The following SYT4 variants were observed in gnomAD, a reference collection of about 807,000 sequenced individuals.
SYT4 encodes synaptotagmin-4.
A neutral mutation model predicts 32.9 loss-of-function variants in SYT4; 7 were observed. The ratio of observed to expected loss-of-function variants is 0.21; its 90% CI spans 0.12 to 0.40. The LOEUF is 0.40. SYT4 is among the 10% of genes least tolerant of loss of function. The pLI is 1.00. For synonymous variants in SYT4, 205 were observed against 186.2 expected, an observed-to-expected ratio of 1.10 and a Z score of -0.82; for missense variants, 480 against 488.0, an observed-to-expected ratio of 0.98 and a Z score of 0.16.
rs781556826 is a variant in SYT4 at position 43,273,915 on chromosome 18, C to T, written c.514G>A (p.Val172Ile). The change falls in exon 2 of 4, where the codon GTC becomes ATC. Residue 172 changes from valine (V) to isoleucine (I), a missense_variant. Transcript: ENST00000255224. ...EYNFERKAFV[V>I]NIKEARGLPA... is the part of the protein sequence containing the mutation. ...AAGCCACGGGCTTCCTTGATATTGA[C>T]CACAAATGCTTTTCTCTCGAAGTTG... 7.4e-6 allele frequency: 12 copies of T among 1,613,898 alleles called. No individual in the cohort carries two copies. Among genetic ancestry groups the T allele is most frequent in the Non-Finnish European group, 1.0e-5 (12 of 1,179,970 alleles).
In SYT4 at chr18:43,270,521, G is replaced by T. The variant is rs1423346844; in HGVS notation, c.1098C>A (p.Gly366=). The change falls in exon 4 of 4, where the codon GGC becomes GGA. Residue 366 remains glycine, a synonymous_variant. Transcript: ENST00000255224. ...AAAATTCAACACTTATATCTTCAAG[G>T]CCCTCACAAGGAATATCAAAGACAA... ...ELFVFDIPCE[G]LEDISVEFLV... 1 of 1,613,820 alleles carries T rather than the reference G, an allele frequency of 6.2e-7. No homozygotes were observed. Among genetic ancestry groups the T allele is most frequent in the East Asian group, 2.2e-5 (1 of 44,856 alleles).
chr18:43,270,211 T>C lies in SYT4; in HGVS notation c.*130A>G, dbSNP rs138651432. Reference sequence around the variant, plus strand: ...GTTACTTTCTGGTCTACTAATTCAATCCATTTCTAGCAACAACAACAACAA... The same window carrying C: ...GTTACTTTCTGGTCTACTAATTCAACCCATTTCTAGCAACAACAACAACAA... On this transcript the variant is annotated 3_prime_UTR_variant, in exon 4 of 4. Coordinates refer to ENST00000255224, the MANE Select transcript of SYT4 (RefSeq NM_020783.4). 2,875 of 945,526 alleles carry C rather than the reference T, an allele frequency of 3.0e-3. 133 individuals are homozygous for C. The Admixed American group carries it at 0.064, about 21-fold the overall frequency. The allele number at this position is 945,526 out of a possible 1,614,324, so 58.6% of individuals were successfully genotyped here.
In SYT4 at chr18:43,274,032, A is replaced by C. The variant is rs761951128; in HGVS notation, c.397T>G (p.Ser133Ala). The change falls in exon 2 of 4, where the codon TCA becomes GCA. Residue 133 changes from serine to alanine, a missense_variant. By Grantham distance (99) the Ser-to-Ala change is moderately conservative. Transcript: ENST00000255224. Reference protein sequence around the residue: ...PKLFLEGEKESVSPESLKSST... With the variant: ...PKLFLEGEKEAVSPESLKSST... The stretch of plus-strand genomic sequence containing the variant: ...GACTTTAAACTCTCAGGGGAAACTG[A>C]CTCTTTTTCCCCTTCTAAAAAGAGC... 1.9e-6 allele frequency: 3 copies of C among 1,613,644 alleles called. No individual in the cohort carries two copies. Among genetic ancestry groups the C allele is most frequent in the Non-Finnish European group, 2.5e-6 (3 of 1,179,896 alleles).
chr18:43,271,567 C>T, intron 3 of SYT4, 145 bp downstream of exon 3: 3 of 1,073,732 alleles, frequency 2.8e-6, no homozygotes, highest in South Asian at 3.9e-5. Context: ...TTTTGTAAAG[C>T]TAGTCATAAA....
At chr18:43,276,482 T>C (rs1908796878) in intron 1 of SYT4, among the ~76,000 whole-genome samples, 1 of 152,220 alleles carries the variant, frequency 6.6e-6, no homozygotes, top group South Asian at 2.1e-4. Context: ...ACTTTTTTAC[T>C]CTATGAAGTA....
Position 43,270,416 on chromosome 18 carries a change from A to G in SYT4, c.1203T>C (p.Gly401=). 6.2e-7 allele frequency: 1 copy of G among 1,614,040 alleles called. No homozygotes were observed. The highest frequency in any genetic ancestry group is 8.5e-7 in the Non-Finnish European group (1 of 1,179,954). Residue 401 remains glycine (G), a synonymous_variant, in exon 4 of 4, where the codon GGT becomes GGC. Transcript: ENST00000255224. ...LVLGAAAEGT[G]GEHWKEICDY... ...CACAGATCTCTTTCCAGTGCTCTCC[A>G]CCAGTTCCTTCTGCTGCTGCACCCA...
Position 43,268,327 on chromosome 18 carries a change from T to A in SYT4, c.*2014A>T, listed in dbSNP as rs773783876. ...CTCAACTTTTCACACTCAAAAACAC[T>A]TTAAATTTTAAAAGCTAAAAACTAT... On this transcript the variant is annotated 3_prime_UTR_variant, in exon 4 of 4. Coordinates refer to ENST00000255224, the MANE Select transcript of SYT4 (RefSeq NM_020783.4). 6.6e-6 allele frequency: 1 copy of A among 152,428 alleles called. No homozygotes were observed. Among genetic ancestry groups the A allele is most frequent in the Non-Finnish European group, 1.5e-5 (1 of 68,026 alleles). The allele number at this position is 152,428 out of a possible 1,614,324, so 9.4% of individuals were successfully genotyped here. A position where few individuals can be genotyped will look rare whatever the true frequency, so the allele number is the denominator to read the frequency against.
chr18:43,270,303 T>G lies in SYT4; in HGVS notation c.*38A>C. On this transcript the variant is annotated 3_prime_UTR_variant, in exon 4 of 4. Coordinates refer to ENST00000255224, the MANE Select transcript of SYT4 (RefSeq NM_020783.4). ...GAAAGAAAGAAAATTTCTCCTTGCC[T>G]AGTAAAAACCTTTAAGTTCCAACTC... is the stretch of plus-strand genomic sequence containing the variant. 10 of 1,580,210 alleles carry G rather than the reference T, an allele frequency of 6.3e-6. No individual in the cohort carries two copies. The highest frequency in any genetic ancestry group is 8.6e-6 in the Non-Finnish European group (10 of 1,162,660).
chr18:43,273,336 C>G (rs1438769370), intron 2 of SYT4, among the ~76,000 whole-genome samples: 1 of 152,028 alleles, frequency 6.6e-6, no homozygotes, highest in African/African-American at 2.4e-5. Flanking sequence ...TAGGTGATAT[C>G]TAAATATCCA....
In SYT4 at chr18:43,270,321, T is replaced by C. The variant is rs746512593; in HGVS notation, c.*20A>G. 3.7e-5 allele frequency: 60 copies of C among 1,604,840 alleles called. No homozygotes were observed. The highest frequency in any genetic ancestry group is 5.0e-5 in the Non-Finnish European group (59 of 1,173,754). On this transcript the variant is annotated 3_prime_UTR_variant, in exon 4 of 4. Coordinates refer to ENST00000255224, the MANE Select transcript of SYT4 (RefSeq NM_020783.4). ...CCTTGCCTAGTAAAAACCTTTAAGT[T>C]CCAACTCACGGCTAGGATGCTAACC...
chr18:43,270,929 A>G (rs1004925783), intron 3 of SYT4, among the ~76,000 whole-genome samples: 2 of 152,094 alleles, frequency 1.3e-5, no homozygotes, highest in Non-Finnish European at 2.9e-5. Context: ...AAGAAAATAG[A>G]ATGTTCTATG....
rs1908564956 is a variant in SYT4 at position 43,269,668 on chromosome 18, T to A, written c.*673A>T. 6.5e-6 allele frequency: 1 copy of A among 152,812 alleles called. No individual in the cohort carries two copies. Among genetic ancestry groups the A allele is most frequent in the South Asian group, 2.1e-4 (1 of 4,848 alleles). The allele number at this position is 152,812 out of a possible 1,614,324, so 9.5% of individuals were successfully genotyped here. A position where few individuals can be genotyped will look rare whatever the true frequency, so the allele number is the denominator to read the frequency against. On this transcript the variant is annotated 3_prime_UTR_variant, in exon 4 of 4. Coordinates refer to ENST00000255224, the MANE Select transcript of SYT4 (RefSeq NM_020783.4). Reference sequence around the variant, plus strand: ...CAAAATTTTGACTCACATGTAACCTTAGGGGGGAGAAAAATTATATTTCAG... The same window carrying A: ...CAAAATTTTGACTCACATGTAACCTAAGGGGGGAGAAAAATTATATTTCAG...
rs1052058139 is a variant in SYT4 at position 43,277,447 on chromosome 18, C to T, written c.-166G>A. ...AGGCAAAGAGGGAGGTCCACTCGCCCTCGCACAGTGATTTGCCACCTCGGT... is the reference window on the plus strand; with the variant it reads ...AGGCAAAGAGGGAGGTCCACTCGCCTTCGCACAGTGATTTGCCACCTCGGT... On this transcript the variant is annotated 5_prime_UTR_variant, in exon 1 of 4. Transcript: ENST00000255224. 14 of 686,724 alleles carry T rather than the reference C, an allele frequency of 2.0e-5. No homozygotes were observed. The African/African-American group carries it at 2.4e-4, about 12-fold the overall frequency. 42.5% of individuals were successfully genotyped at this position (686,724 alleles called of 1,614,324 possible). A position where few individuals can be genotyped will look rare whatever the true frequency, so the allele number is the denominator to read the frequency against.
rs1007276898 is a variant in SYT4, at chr18:43,268,883, C to T, written c.*1458G>A. ...CAAACACTGTGATATCAAACACATT[C>T]TCAAAAACTGCTAAAGTACTGACAC... is the stretch of plus-strand genomic sequence containing the variant. On this transcript the variant is annotated 3_prime_UTR_variant, in exon 4 of 4. Transcript: ENST00000255224. 1 of 152,552 alleles carries T rather than the reference C, an allele frequency of 6.6e-6. No homozygotes were observed. The highest frequency in any genetic ancestry group is 1.5e-5 in the Non-Finnish European group (1 of 68,026). The allele number at this position is 152,552 out of a possible 1,614,324, so 9.4% of individuals were successfully genotyped here.
chr18:43,271,929 A>G (rs1418225254), intron 2 of SYT4, 97 bp from the exon 3 acceptor site: 2 of 1,268,806 alleles, frequency 1.6e-6, no homozygotes, highest in Non-Finnish European at 2.1e-6. Flanking sequence ...TTTAAATATA[A>G]TCTTACTTAT....
chr18:43,268,818 T>C lies in SYT4; in HGVS notation c.*1523A>G, dbSNP rs1255998172. The C allele has an allele frequency of 3.3e-5, 5 of 152,652 alleles. No homozygotes were observed. Among genetic ancestry groups the C allele is most frequent in the Non-Finnish European group, 5.9e-5 (4 of 68,048 alleles). The allele number at this position is 152,652 out of a possible 1,614,324, so 9.5% of individuals were successfully genotyped here. A position where few individuals can be genotyped will look rare whatever the true frequency, so the allele number is the denominator to read the frequency against. On this transcript the variant is annotated 3_prime_UTR_variant, in exon 4 of 4. Transcript: ENST00000255224. The stretch of plus-strand genomic sequence containing the variant: ...ACATTAGGCATAGTCATAAAAAGCA[T>C]GTATAAGTTGTTTGGAAAATGCATT...
intron 1 of SYT4, 94 bp downstream of exon 1, chr18:43,277,154 G>A: frequency 6.7e-7 from 1 of 1,482,224 alleles, no homozygotes; most frequent in Non-Finnish European, 9.3e-7. Flanking sequence ...TAGGAAATCT[G>A]TATTCAACAA....
chr18:43,273,005 T>G (rs1908676365), intron 2 of SYT4, among the ~76,000 whole-genome samples: 1 of 152,152 alleles, frequency 6.6e-6, no homozygotes, highest in South Asian at 2.1e-4. Context: ...CTTACTATTT[T>G]CTAATAAACC....
rs1908570073 is a variant in SYT4, at chr18:43,269,834, T to A, written c.*507A>T. On this transcript the variant is annotated 3_prime_UTR_variant, in exon 4 of 4. Coordinates refer to ENST00000255224, the MANE Select transcript of SYT4 (RefSeq NM_020783.4). The stretch of plus-strand genomic sequence containing the variant: ...AAACTGAAATGACCAGATACTTTTA[T>A]ATGCAGGACAACCATTTGCACATGA... The A allele has an allele frequency of 6.4e-6, 1 of 155,864 alleles. No homozygotes were observed. Among genetic ancestry groups the A allele is most frequent in the African/African-American group, 2.4e-5 (1 of 41,470 alleles). 9.7% of individuals were successfully genotyped at this position (155,864 alleles called of 1,614,324 possible).
Sources: gnomAD v4.1 joint callset for allele counts (sites outside exome capture counted in the v4.1 genomes callset) on GRCh38, gnomAD v4.1.1 for gene constraint, MANE v1.5 for transcripts, NCBI Gene and HGNC (gene_info 2026-07-23, HGNC 2026-07-21) for gene names.